The following TAFA1 variants were observed in gnomAD, a reference collection of about 807,000 sequenced individuals.
TAFA1 encodes chemokine-like protein TAFA-1.
TAFA1 carries 4 observed loss-of-function variants against 18.5 expected under a neutral mutation model. The observed-to-expected ratio is 0.22, with a 90% CI of 0.11 to 0.49. The LOEUF is 0.49. Ranked by LOEUF, TAFA1 falls within the 20% of genes least tolerant of loss-of-function variation. The pLI is 0.98. For synonymous variants in TAFA1, 56 were observed against 55.2 expected, an observed-to-expected ratio of 1.01 and a Z score of -0.06; for missense variants, 147 against 169.0, an observed-to-expected ratio of 0.87 and a Z score of 0.72.
chr3:68,115,298 G>C (rs1284196888), intron 2 of TAFA1, among the ~76,000 whole-genome samples: 1 of 152,182 alleles, frequency 6.6e-6, no homozygotes, highest in Non-Finnish European at 1.5e-5. Context: ...GAGGCATCAT[G>C]GGAGTTCAAG....
At chr3:67,999,279 CCCT>C (rs1251578993), upstream of TAFA1, among the ~76,000 whole-genome samples, 128 of 3,422 alleles carry the variant, frequency 0.037, no homozygotes, top group East Asian at 0.11. Context: ...CCCCCCCCCC[CCCT>C]CTCTCTGTGT....
At chr3:68,533,405 C>T (rs1298840122) in intron 3 of TAFA1, among the ~76,000 whole-genome samples, 2 of 152,156 alleles carry the variant, frequency 1.3e-5, no homozygotes, top group East Asian at 3.9e-4. Flanking sequence ...CCCCATGATT[C>T]AATTATCTCC....
intron 3 of TAFA1, among the ~76,000 whole-genome samples, chr3:68,420,756 G>T (rs753581133): frequency 6.6e-6 from 1 of 152,068 alleles, no homozygotes; most frequent in Admixed American, 6.6e-5. Flanking sequence ...TCCCCACAAC[G>T]AAGAATTCTC....
At chr3:68,474,486 A>G (rs2072055121) in intron 3 of TAFA1, among the ~76,000 whole-genome samples, 1 of 152,228 alleles carries the variant, frequency 6.6e-6, no homozygotes, top group South Asian at 2.1e-4. Flanking sequence ...ACTTGATTCA[A>G]AAGCTTTGGA....
chr3:68,418,695 T>G (rs531483087), intron 3 of TAFA1, among the ~76,000 whole-genome samples: 257 of 152,288 alleles, frequency 1.7e-3, no homozygotes, highest in African/African-American at 6.0e-3. Context: ...AATGAGCACT[T>G]ACTGTATTCC....
At chr3:68,337,773 G>A (rs1274105277) in intron 2 of TAFA1, among the ~76,000 whole-genome samples, 1 of 152,134 alleles carries the variant, frequency 6.6e-6, no homozygotes, top group Non-Finnish European at 1.5e-5. Flanking sequence ...CAGGGATGGG[G>A]CACATTGTGG....
intron 3 of TAFA1, among the ~76,000 whole-genome samples, chr3:68,468,405 G>T (rs2071929874): frequency 6.6e-6 from 1 of 152,102 alleles, no homozygotes; most frequent in Non-Finnish European, 1.5e-5. Context: ...AACTTTATTT[G>T]ACAGTATCAT....
At chr3:68,483,533 C>G (rs1343322105) in intron 3 of TAFA1, among the ~76,000 whole-genome samples, 1 of 152,046 alleles carries the variant, frequency 6.6e-6, no homozygotes, top group Non-Finnish European at 1.5e-5. Flanking sequence ...TTTTTTGTCC[C>G]AGTTGTCATG....
intron 2 of TAFA1, among the ~76,000 whole-genome samples, chr3:68,355,647 G>C (rs1015237221): frequency 8.5e-5 from 13 of 152,114 alleles, no homozygotes; most frequent in African/African-American, 3.1e-4. Context: ...ACATGGTAAA[G>C]AGCACTAGGG....
At chr3:68,533,925 T>C (rs1202582509) in intron 3 of TAFA1, among the ~76,000 whole-genome samples, 1 of 152,168 alleles carries the variant, frequency 6.6e-6, no homozygotes, top group Non-Finnish European at 1.5e-5. Context: ...AAAGGATATA[T>C]ATGAAGATGG....
chr3:68,533,898 C>A (rs17245086), intron 3 of TAFA1, among the ~76,000 whole-genome samples: 39,351 of 151,918 alleles, frequency 0.26, 5,740 homozygotes, highest in Non-Finnish European at 0.33. Flanking sequence ...TCCTTTCACA[C>A]CTTGACCTGG....
chr3:68,082,187 G>T (rs182735022), intron 2 of TAFA1, among the ~76,000 whole-genome samples: 3 of 143,498 alleles, frequency 2.1e-5, no homozygotes, highest in African/African-American at 9.0e-5. Flanking sequence ...CATGGTGTGC[G>T]CACCCACTGA....
intron 3 of TAFA1, among the ~76,000 whole-genome samples, chr3:68,525,932 C>T (rs1305023994): frequency 2.6e-5 from 4 of 152,084 alleles, no homozygotes; most frequent in Non-Finnish European, 4.4e-5. Flanking sequence ...ACAAGCTTTT[C>T]ATCCAGACCT....
At chr3:68,521,230 G>T (rs558710517) in intron 3 of TAFA1, among the ~76,000 whole-genome samples, 1 of 152,172 alleles carries the variant, frequency 6.6e-6, no homozygotes, top group African/African-American at 2.4e-5. Context: ...TTTCCAGAGC[G>T]CCCTCCCCAG....
intron 2 of TAFA1, among the ~76,000 whole-genome samples, chr3:68,390,588 G>T (rs914944932): frequency 6.6e-5 from 10 of 152,170 alleles, no homozygotes; most frequent in Non-Finnish European, 1.5e-4. Context: ...GGGTTGACAG[G>T]TGCCTTATAC....
intron 2 of TAFA1, among the ~76,000 whole-genome samples, chr3:68,035,481 C>T (rs1040981331): frequency 2.6e-5 from 4 of 152,016 alleles, no homozygotes; most frequent in Non-Finnish European, 4.4e-5. Context: ...AAGATCTCAC[C>T]TTCTATTTCC....
intron 2 of TAFA1, among the ~76,000 whole-genome samples, chr3:68,060,669 A>G (rs535949428): frequency 6.6e-5 from 10 of 152,110 alleles, no homozygotes; most frequent in African/African-American, 9.7e-5. Flanking sequence ...ACTGGCCTCC[A>G]TGTCTCTTGG....
intron 3 of TAFA1, among the ~76,000 whole-genome samples, chr3:68,439,412 C>CATACATATATATATATATATATAT (rs1264523262): frequency 1.4e-4 from 10 of 73,426 alleles, no homozygotes; most frequent in African/African-American, 6.4e-4. Flanking sequence ...TATATACATA[C>CATACATATATATATATATATATAT]ATATATATAT....
At chr3:68,486,486 C>T (rs1023657124) in intron 3 of TAFA1, among the ~76,000 whole-genome samples, 1 of 152,166 alleles carries the variant, frequency 6.6e-6, no homozygotes, top group Non-Finnish European at 1.5e-5. Flanking sequence ...ACTTTGAACA[C>T]AAACAGAAAT....
Sources: allele counts gnomAD v4.1 joint callset (sites outside exome capture counted in the v4.1 genomes callset), GRCh38; gene constraint gnomAD v4.1.1; transcripts MANE v1.5; gene names NCBI Gene and HGNC (gene_info 2026-07-23, HGNC 2026-07-21).